XKR4: variants seen among roughly 807,000 people sequenced by gnomAD.
XKR4 encodes XK related 4.
XKR4 carries 12 observed loss-of-function variants against 53.9 expected under a neutral mutation model. The observed-to-expected ratio is 0.22, with a 90% CI of 0.14 to 0.36. The LOEUF is 0.36. XKR4 is among the 10% of genes least tolerant of loss of function. The pLI, the probability that XKR4 is intolerant of heterozygous loss-of-function variation, is 1.00. For synonymous variants in XKR4, 354 were observed against 362.4 expected, an observed-to-expected ratio of 0.98 and a Z score of 0.26; for missense variants, 799 against 859.5, an observed-to-expected ratio of 0.93 and a Z score of 0.88.
At chr8:55,253,617 G>A (rs1169448502) in intron 1 of XKR4, among the ~76,000 whole-genome samples, 3 of 152,128 alleles carry the variant, frequency 2.0e-5, no homozygotes, top group Non-Finnish European at 4.4e-5. Context: ...CAGGCAGCAA[G>A]TCACATTTTA....
At chr8:55,470,614 C>A (rs1805864852) in intron 2 of XKR4, among the ~76,000 whole-genome samples, 1 of 152,114 alleles carries the variant, frequency 6.6e-6, no homozygotes, top group Non-Finnish European at 1.5e-5. Flanking sequence ...CAGACTAATA[C>A]ACAAGATATA....
intron 1 of XKR4, among the ~76,000 whole-genome samples, chr8:55,142,879 A>T (rs1239721487): frequency 6.6e-6 from 1 of 152,218 alleles, no homozygotes; most frequent in Admixed American, 6.5e-5. Context: ...TATCACCAGC[A>T]TGTGGACGAA....
intron 1 of XKR4, among the ~76,000 whole-genome samples, chr8:55,309,725 C>T (rs2129378079): frequency 6.6e-6 from 1 of 152,294 alleles, no homozygotes; most frequent in South Asian, 2.1e-4. Flanking sequence ...CTTCTTGCAG[C>T]TGCATGTGAA....
rs777461652 is a variant in XKR4 at position 55,523,827 on chromosome 8, C to T, written c.1553C>T (p.Pro518Leu). The T allele has an allele frequency of 6.2e-7, 1 of 1,614,162 alleles. No homozygotes were observed. The highest frequency in any genetic ancestry group is 2.2e-5 in the East Asian group (1 of 44,876). Residue 518 changes from proline (P) to leucine (L), a missense_variant, in exon 3 of 3, where the codon CCC (proline) becomes CTC (leucine). Pro to Leu is a moderately conservative substitution (Grantham distance 98). Around this residue, in one of 3 missense-constraint regions of XKR4, gnomAD observed 269 missense variants for 264.4 expected, o/e 1.02. Coordinates refer to ENST00000327381, the MANE Select transcript of XKR4 (RefSeq NM_052898.2). ...MYYAFFHPNGPRFGQSPSCAC... is the reference protein window; with the variant it reads ...MYYAFFHPNGLRFGQSPSCAC... ...TATGCCTTCTTTCATCCCAATGGAC[C>T]CAGATTCGGGCAGTCACCAAGTTGT...
intron 1 of XKR4, among the ~76,000 whole-genome samples, chr8:55,135,928 T>A (rs1026963161): frequency 6.6e-6 from 1 of 151,544 alleles, no homozygotes; most frequent in South Asian, 2.1e-4. Context: ...AGAGTCTCGC[T>A]CTGTCCCCAG....
chr8:55,491,859 C>T (rs914985941), intron 2 of XKR4, among the ~76,000 whole-genome samples: 6 of 152,122 alleles, frequency 3.9e-5, no homozygotes, highest in African/African-American at 9.7e-5. Context: ...AGAATTGTTC[C>T]GTTTACAACT....
At chr8:55,309,220 CACT>C (rs1233040693) in intron 1 of XKR4, among the ~76,000 whole-genome samples, 1 of 152,214 alleles carries the variant, frequency 6.6e-6, no homozygotes. Context: ...TACCATGGCA[CACT>C]ACTTAGCAAT....
At chr8:55,500,271 TC>T (rs1276527816) in intron 2 of XKR4, among the ~76,000 whole-genome samples, 1 of 152,114 alleles carries the variant, frequency 6.6e-6, no homozygotes, top group African/African-American at 2.4e-5. Context: ...CCCCTTGTTT[TC>T]CTGGCTTTAT....
In XKR4 at chr8:55,129,985, G is replaced by A. The variant is rs544573882; in HGVS notation, c.806+26691G>A. Among the ~76,000 whole-genome samples, 3 of 152,230 alleles carry A rather than the reference G, an allele frequency of 2.0e-5. No individual in the cohort carries two copies. The South Asian group carries it at 6.2e-4, about 32-fold the overall frequency. ...CACTTCCATTATCTTTGAATTAGGA[G>A]GCAAGGCTATCCGCGGAGGTGTGGG... On this transcript the variant is annotated intron_variant, in intron 1 of 2. Transcript: ENST00000327381.
chr8:55,464,701 T>C (rs896145447), intron 2 of XKR4, among the ~76,000 whole-genome samples: 1 of 152,190 alleles, frequency 6.6e-6, no homozygotes, highest in Non-Finnish European at 1.5e-5. Flanking sequence ...AAATTGTCCC[T>C]GTTTGCAGAT....
chr8:55,301,589 G>T lies in XKR4; in HGVS notation c.807-56089G>T, dbSNP rs1180364443. Among the ~76,000 whole-genome samples the T allele has an allele frequency of 1.1e-4, 17 of 152,072 alleles. No homozygotes were observed. In the East Asian group the frequency reaches 1.7e-3, roughly 16 times the overall value. On this transcript the variant is annotated intron_variant, in intron 1 of 2. Coordinates refer to ENST00000327381, the MANE Select transcript of XKR4 (RefSeq NM_052898.2). ...TCGCCACACTGACTTCCACAATGGT[G>T]GAACTAGTTTACAGTCCCAGCAGCA... is the stretch of plus-strand genomic sequence containing the variant.
At chr8:55,212,861 C>T (rs1817748837) in intron 1 of XKR4, among the ~76,000 whole-genome samples, 1 of 151,786 alleles carries the variant, frequency 6.6e-6, no homozygotes, top group Non-Finnish European at 1.5e-5. Context: ...AACAGAATAG[C>T]TATACATTAA....
chr8:55,457,146 C>CTTTTTTTTTTTTTTTTTT (rs1554527639), intron 2 of XKR4, among the ~76,000 whole-genome samples: 2 of 137,264 alleles, frequency 1.5e-5, no homozygotes, highest in African/African-American at 5.3e-5. Context: ...TTTTCCTTTT[C>CTTTTTTTTTTTTTTTTTT]TTTTTTTTTT....
chr8:55,299,732 G>A (rs1239615412), intron 1 of XKR4, among the ~76,000 whole-genome samples: 3 of 152,148 alleles, frequency 2.0e-5, no homozygotes, highest in Admixed American at 1.3e-4. Flanking sequence ...CTGGAATTCT[G>A]TTGTGTGCGC....
chr8:55,469,589 T>C (rs1043763592), intron 2 of XKR4, among the ~76,000 whole-genome samples: 1 of 152,126 alleles, frequency 6.6e-6, no homozygotes, highest in African/African-American at 2.4e-5. Flanking sequence ...AATATTTTCA[T>C]TGGTGCCAAA....
intron 1 of XKR4, chr8:55,161,643 G>T: frequency 2.2e-6 from 1 of 456,286 alleles, no homozygotes; most frequent in African/African-American, 2.0e-5. Context: ...AGTGGGGATT[G>T]GGTAAGTGAA....
intron 1 of XKR4, among the ~76,000 whole-genome samples, chr8:55,249,249 G>A (rs1818333196): frequency 6.6e-6 from 1 of 152,184 alleles, no homozygotes. Flanking sequence ...ACCTGAAATT[G>A]GGAAGTCACT....
At chr8:55,114,723 G>A (rs1585885735) in intron 1 of XKR4, among the ~76,000 whole-genome samples, 1 of 152,266 alleles carries the variant, frequency 6.6e-6, no homozygotes, top group East Asian at 1.9e-4. Flanking sequence ...AGCTGGGACT[G>A]CAGGCAGGTT....
chr8:55,300,781 C>T lies in XKR4; in HGVS notation c.807-56897C>T, dbSNP rs559792967. ...CAAGAGTCAGGCAGGATGATCGCCCCAACAAAGGTGAAGCCATCATTGGAG... is the reference window on the plus strand; with the variant it reads ...CAAGAGTCAGGCAGGATGATCGCCCTAACAAAGGTGAAGCCATCATTGGAG... On this transcript the variant is annotated intron_variant, in intron 1 of 2. Transcript: ENST00000327381. Among the ~76,000 whole-genome samples the T allele has an allele frequency of 1.4e-4, 21 of 152,140 alleles. 1 individual carries two copies. The South Asian group carries it at 4.2e-3, about 30-fold the overall frequency.
Sources: allele counts gnomAD v4.1 joint callset (sites outside exome capture counted in the v4.1 genomes callset), GRCh38; gene constraint gnomAD v4.1.1; regional missense constraint gnomAD v4.1.1; transcripts MANE v1.5; gene names NCBI Gene and HGNC (gene_info 2026-07-23, HGNC 2026-07-21).